The following SLC9A9 variants were observed in gnomAD, a reference collection of about 807,000 sequenced individuals.
SLC9A9 encodes the protein solute carrier family 9 member A9.
In SLC9A9, 62 loss-of-function variants were observed where a neutral mutation model predicts 77.8. The observed-to-expected ratio is 0.80, with a 90% CI of 0.65 to 0.98. The LOEUF is 0.98. Ranked by LOEUF, SLC9A9 falls within the 50% of genes least tolerant of loss-of-function variation. The pLI is 0.00. For missense variants in SLC9A9, 775 were observed against 774.9 expected (o/e 1.00, Z 0.00); for synonymous variants, 320 against 283.5 (o/e 1.13, Z -1.29).
At chr3:143,760,514 A>C (rs1033717629) in intron 4 of SLC9A9, among the ~76,000 whole-genome samples, 2 of 152,194 alleles carry the variant, frequency 1.3e-5, no homozygotes, top group African/African-American at 4.8e-5. Context: ...GTACAAAATC[A>C]ATGTGCAAAA....
chr3:143,274,423 A>C (rs1043193705), intron 14 of SLC9A9, among the ~76,000 whole-genome samples: 16 of 152,280 alleles, frequency 1.1e-4, no homozygotes, highest in African/African-American at 3.4e-4. Context: ...TAAGATCTGG[A>C]CACTAAAGAT....
At chr3:143,510,182 T>C (rs1191617542) in intron 9 of SLC9A9, among the ~76,000 whole-genome samples, 4 of 152,198 alleles carry the variant, frequency 2.6e-5, no homozygotes, top group Non-Finnish European at 4.4e-5. Context: ...AGAAGGACAA[T>C]TGTAAAATGT....
intron 5 of SLC9A9, among the ~76,000 whole-genome samples, chr3:143,661,171 G>A (rs2038973165): frequency 6.6e-6 from 1 of 152,200 alleles, no homozygotes; most frequent in South Asian, 2.1e-4. Flanking sequence ...AGTCTGAGGG[G>A]AGCAAGCCAA....
At chr3:143,574,862 A>G (rs1158448749) in intron 7 of SLC9A9, among the ~76,000 whole-genome samples, 2 of 152,228 alleles carry the variant, frequency 1.3e-5, no homozygotes, top group Non-Finnish European at 2.9e-5. Context: ...AGTTGGGCAG[A>G]GAATGGATCA....
intron 12 of SLC9A9, among the ~76,000 whole-genome samples, chr3:143,423,680 G>C (rs2034352444): frequency 6.6e-6 from 1 of 152,102 alleles, no homozygotes; most frequent in South Asian, 2.1e-4. Context: ...AAGTTGATGA[G>C]GACTGAGATA....
chr3:143,780,485 G>C (rs577817554), intron 4 of SLC9A9, among the ~76,000 whole-genome samples: 2 of 152,164 alleles, frequency 1.3e-5, no homozygotes, highest in Non-Finnish European at 2.9e-5. Context: ...AAGTTTTTAC[G>C]CAATCATTGA....
chr3:143,411,202 AT>A (rs1009073274), intron 12 of SLC9A9, among the ~76,000 whole-genome samples: 9 of 152,142 alleles, frequency 5.9e-5, no homozygotes, highest in Admixed American at 2.6e-4. Flanking sequence ...GGTCTGTAAG[AT>A]TTTTTTTCCC....
chr3:143,778,974 T>C (rs2007784653), intron 4 of SLC9A9, among the ~76,000 whole-genome samples: 1 of 152,220 alleles, frequency 6.6e-6, no homozygotes, highest in African/African-American at 2.4e-5. Context: ...CTATTACCAA[T>C]GTTAGATTCT....
At chr3:143,531,375 T>G (rs941921410) in intron 9 of SLC9A9, among the ~76,000 whole-genome samples, 1 of 152,200 alleles carries the variant, frequency 6.6e-6, no homozygotes, top group Non-Finnish European at 1.5e-5. Context: ...TGAGTTCATC[T>G]CAGAACAGTG....
intron 12 of SLC9A9, among the ~76,000 whole-genome samples, chr3:143,399,362 G>A (rs1045528421): frequency 3.2e-4 from 49 of 152,222 alleles, no homozygotes; most frequent in African/African-American, 1.1e-3. Flanking sequence ...GCATGCTTGC[G>A]TGCATGACTA....
rs752149844 is a variant in SLC9A9, at chr3:143,268,878, A to G, written c.1707T>C (p.Tyr569=). The stretch of plus-strand genomic sequence containing the variant: ...TAGAGGCCTGAGATTTACTTACCCC[A>G]TAGGCTTGAGGACTGGTAAGCAGCC... ...ISRLLTSPQA[Y]GEQLKEDDVE... The change falls in exon 15 of 16, where the codon TAT becomes TAC. Residue 569 remains tyrosine, a synonymous_variant. Coordinates refer to ENST00000316549, the MANE Select transcript of SLC9A9 (RefSeq NM_173653.4). 1.7e-5 allele frequency: 27 copies of G among 1,611,968 alleles called. No homozygotes were observed. The highest frequency in any genetic ancestry group is 2.3e-5 in the Non-Finnish European group (27 of 1,178,520).
At chr3:143,632,365 T>C (rs564152131) in intron 6 of SLC9A9, among the ~76,000 whole-genome samples, 3 of 152,186 alleles carry the variant, frequency 2.0e-5, no homozygotes, top group African/African-American at 7.2e-5. Context: ...ATGGAGAGTT[T>C]ATAGCAATTA....
At chr3:143,649,845 T>C (rs1296799895) in intron 6 of SLC9A9, among the ~76,000 whole-genome samples, 1 of 152,198 alleles carries the variant, frequency 6.6e-6, no homozygotes, top group Non-Finnish European at 1.5e-5. Context: ...ACTCTATCAC[T>C]GTTCTTAAAC....
chr3:143,575,557 A>T (rs1367406216), intron 7 of SLC9A9, among the ~76,000 whole-genome samples: 1 of 152,106 alleles, frequency 6.6e-6, no homozygotes, highest in Non-Finnish European at 1.5e-5. Flanking sequence ...ATCAGTAAGG[A>T]TCTGGAAGCA....
intron 5 of SLC9A9, among the ~76,000 whole-genome samples, chr3:143,655,079 A>T (rs2038865264): frequency 6.6e-6 from 1 of 152,216 alleles, no homozygotes; most frequent in African/African-American, 2.4e-5. Flanking sequence ...AGTGTGTCCT[A>T]CAAGAGGGAG....
chr3:143,325,613 A>AGAG (rs2031569835), intron 14 of SLC9A9, among the ~76,000 whole-genome samples: 1 of 152,200 alleles, frequency 6.6e-6, no homozygotes. Flanking sequence ...AGTGTTGTGC[A>AGAG]TAGGAGAAAC....
intron 4 of SLC9A9, among the ~76,000 whole-genome samples, chr3:143,706,573 C>T (rs139386075): frequency 6.6e-6 from 1 of 152,322 alleles, no homozygotes; most frequent in African/African-American, 2.4e-5. Context: ...CCATTCAGCT[C>T]TGCTGTGGTG....
chr3:143,453,875 G>A (rs531201495), intron 12 of SLC9A9, among the ~76,000 whole-genome samples: 1 of 152,210 alleles, frequency 6.6e-6, no homozygotes, highest in South Asian at 2.1e-4. Flanking sequence ...ACAATATTAG[G>A]AGTTGCAGCC....
chr3:143,565,549 T>C (rs947707164), intron 8 of SLC9A9, among the ~76,000 whole-genome samples: 3 of 152,088 alleles, frequency 2.0e-5, no homozygotes, highest in Admixed American at 2.0e-4. Flanking sequence ...CAGGTGTGAG[T>C]TAATGAGTTA....
Sources: gnomAD v4.1 joint callset for allele counts (sites outside exome capture counted in the v4.1 genomes callset) on GRCh38, gnomAD v4.1.1 for gene constraint, MANE v1.5 for transcripts, NCBI Gene and HGNC (gene_info 2026-07-23, HGNC 2026-07-21) for gene names.